The following SCEL variants were observed in gnomAD, a reference collection of about 807,000 sequenced individuals.
The protein encoded by SCEL is sciellin.
SCEL carries 113 observed loss-of-function variants against 117.6 expected under a neutral mutation model. The ratio of observed to expected loss-of-function variants is 0.96; its 90% CI spans 0.83 to 1.12. The LOEUF (loss-of-function observed/expected upper bound fraction) is 1.12, where lower values mean the gene tolerates loss of function less well. SCEL is among the 50% of genes most tolerant of loss of function. The probability of loss-of-function intolerance (pLI) is 0.00; values close to 1 mark genes in which losing one functional copy is unlikely to be tolerated. For synonymous variants in SCEL, 270 were observed against 256.2 expected, an observed-to-expected ratio of 1.05 and a Z score of -0.51; for missense variants, 785 against 810.8, an observed-to-expected ratio of 0.97 and a Z score of 0.39.
At chr13:77,608,417 T>C (rs1361649675) in intron 20 of SCEL, among the ~76,000 whole-genome samples, 2 of 152,128 alleles carry the variant, frequency 1.3e-5, no homozygotes, top group East Asian at 3.8e-4. Flanking sequence ...CTGTCCAACA[T>C]AGTGAAACCG....
intron 5 of SCEL, 109 bp from the exon 6 acceptor site, chr13:77,567,571 T>C: frequency 1.3e-6 from 1 of 743,432 alleles, no homozygotes; most frequent in East Asian, 2.7e-5. Flanking sequence ...AATAGTTCTC[T>C]TTACTAGAGA....
intron 31 of SCEL, among the ~76,000 whole-genome samples, chr13:77,641,260 TA>T (rs1454231580): frequency 1.3e-5 from 2 of 152,222 alleles, no homozygotes; most frequent in Non-Finnish European, 2.9e-5. Context: ...TGTGGCTCAA[TA>T]AATACTAATA....
intron 1 of SCEL, among the ~76,000 whole-genome samples, chr13:77,543,083 T>TC (rs199839938): frequency 0.059 from 5,694 of 96,200 alleles, 401 homozygotes; most frequent in African/African-American, 0.2. Context: ...CTACTTTAGC[T>TC]TTTTTTTTTT....
intron 1 of SCEL, among the ~76,000 whole-genome samples, chr13:77,545,601 G>T (rs1225023119): frequency 6.6e-6 from 1 of 152,236 alleles, no homozygotes; most frequent in Non-Finnish European, 1.5e-5. Context: ...AATGTCTGCG[G>T]AAGTAGAGGT....
chr13:77,540,903 C>T (rs1018151886), intron 1 of SCEL, among the ~76,000 whole-genome samples: 7 of 152,090 alleles, frequency 4.6e-5, no homozygotes, highest in African/African-American at 1.4e-4. Flanking sequence ...GCTGGGAAGC[C>T]GTTGGAATAG....
intron 19 of SCEL, 32 bp from the exon 20 acceptor site, chr13:77,608,024 T>G: frequency 6.4e-7 from 1 of 1,552,916 alleles, no homozygotes; most frequent in Non-Finnish European, 8.8e-7. Flanking sequence ...TTACGTGTTG[T>G]CAATCTTAAC....
intron 16 of SCEL, 174 bp downstream of exon 16, chr13:77,602,298 A>C: frequency 1.9e-6 from 1 of 526,442 alleles, no homozygotes; most frequent in Middle Eastern, 2.9e-4. Flanking sequence ...AGGACCTCTG[A>C]TTTGAGTTAC....
At chr13:77,598,714 G>A (rs550576973) in intron 13 of SCEL, among the ~76,000 whole-genome samples, 79 of 151,996 alleles carry the variant, frequency 5.2e-4, no homozygotes, top group Middle Eastern at 3.4e-3. Flanking sequence ...ACAGGGTCTC[G>A]CTCTGTCGCC....
In SCEL at chr13:77,633,442, C is replaced by CAAAAAAAA. The variant is rs59939208; in HGVS notation, c.1692-920_1692-913dup. 3.9e-3 allele frequency among the ~76,000 whole-genome samples: 116 copies of CAAAAAAAA among 30,006 alleles called. 8 individuals carry two copies. Among genetic ancestry groups the CAAAAAAAA allele is most frequent in the East Asian group, 0.014 (6 of 424 alleles). The allele number at this position is 30,006 out of a possible 152,430, so 19.7% of individuals were successfully genotyped here. A position where few individuals can be genotyped will look rare whatever the true frequency, so the allele number is the denominator to read the frequency against. Reference sequence around the variant, plus strand: ...TGGGCGACAGAGCGAGACTCCGCCTCAAAAAAAAAAAAAAAAAAAAAAAAG... The same window carrying CAAAAAAAA: ...TGGGCGACAGAGCGAGACTCCGCCTCAAAAAAAAAAAAAAAAAAAAAAAAAAAAAAAAG... On this transcript the variant is annotated intron_variant, in intron 28 of 32. Coordinates refer to ENST00000349847, the MANE Select transcript of SCEL (RefSeq NM_144777.3).
rs768309181 is a variant in SCEL at position 77,569,380 on chromosome 13, C to A, written c.408C>A (p.Gly136=). 2 of 1,612,924 alleles carry A rather than the reference C, an allele frequency of 1.2e-6. No individual in the cohort carries two copies. Among genetic ancestry groups the A allele is most frequent in the African/African-American group, 1.3e-5 (1 of 74,906 alleles). ...RSLEVTKLQP[G]GSLNANTSNT... ...TCTTGTCATTAAACAGGCAACCTGGCGGTTCATTGAATGCCAACACCTCCA... is the reference window on the plus strand; with the variant it reads ...TCTTGTCATTAAACAGGCAACCTGGAGGTTCATTGAATGCCAACACCTCCA... Residue 136 remains glycine, a synonymous_variant, in exon 8 of 33, where the codon GGC becomes GGA. Transcript: ENST00000349847.
At chr13:77,588,824 C>G (rs1285598820) in intron 9 of SCEL, among the ~76,000 whole-genome samples, 1 of 152,084 alleles carries the variant, frequency 6.6e-6, no homozygotes, top group Non-Finnish European at 1.5e-5. Flanking sequence ...GCACTGCTGA[C>G]CTGAAATGCC....
intron 1 of SCEL, among the ~76,000 whole-genome samples, chr13:77,540,365 T>G (rs519196): frequency 0.99 from 150,162 of 152,134 alleles, 74,130 homozygotes; most frequent in East Asian, 1. Context: ...GTGTGTATAC[T>G]TGTGGGTTGG....
At chr13:77,609,305 C>T (rs892016390) in intron 21 of SCEL, among the ~76,000 whole-genome samples, 188 bp downstream of exon 21, 1 of 152,174 alleles carries the variant, frequency 6.6e-6, no homozygotes. Flanking sequence ...GAGACAATTA[C>T]TCTTTGACTA....
chr13:77,586,922 G>T (rs1446304848), intron 9 of SCEL, among the ~76,000 whole-genome samples: 1 of 152,100 alleles, frequency 6.6e-6, no homozygotes, highest in Non-Finnish European at 1.5e-5. Context: ...TTGCAGTGAG[G>T]ATTTCATTAG....
chr13:77,558,090 A>C (rs890043864), intron 3 of SCEL, among the ~76,000 whole-genome samples: 1 of 152,216 alleles, frequency 6.6e-6, no homozygotes, highest in Non-Finnish European at 1.5e-5. Context: ...AATTTTCTGT[A>C]GTGATAGTGT....
At chr13:77,639,295 T>C (rs536219940) in intron 30 of SCEL, among the ~76,000 whole-genome samples, 3 of 152,198 alleles carry the variant, frequency 2.0e-5, no homozygotes, top group Non-Finnish European at 4.4e-5. Context: ...AAATATTTGC[T>C]AGGTAGCTAT....
intron 17 of SCEL, 155 bp downstream of exon 17, chr13:77,602,868 C>G: frequency 3.0e-6 from 2 of 662,906 alleles, no homozygotes; most frequent in South Asian, 4.5e-5. Flanking sequence ...TATATTCGAT[C>G]TAAATTTACA....
intron 1 of SCEL, among the ~76,000 whole-genome samples, chr13:77,540,379 TG>T (rs2083640642): frequency 1.3e-5 from 2 of 151,146 alleles, no homozygotes; most frequent in Non-Finnish European, 2.9e-5. Flanking sequence ...GGGTTGGGGG[TG>T]GGGGAAGATT....
At chr13:77,623,024 C>T (rs2089509257) in intron 27 of SCEL, among the ~76,000 whole-genome samples, 1 of 152,202 alleles carries the variant, frequency 6.6e-6, no homozygotes, top group African/African-American at 2.4e-5. Context: ...ACACCACCGC[C>T]ATGAAAGGGG....
Sources: gnomAD v4.1 joint callset for allele counts (sites outside exome capture counted in the v4.1 genomes callset) on GRCh38, gnomAD v4.1.1 for gene constraint, MANE v1.5 for transcripts, NCBI Gene and HGNC (gene_info 2026-07-23, HGNC 2026-07-21) for gene names.